The following ACTR5 variants were observed in gnomAD, a reference collection of about 807,000 sequenced individuals.
The protein encoded by ACTR5 is actin-related protein 5.
Under a neutral mutation model 61.2 loss-of-function variants are expected in ACTR5, and 43 were observed. That is an observed-to-expected ratio of 0.70 (90% confidence interval 0.55 to 0.91). ACTR5 has a LOEUF of 0.91. Among genes scored for constraint, ACTR5 ranks in the 40% least tolerant of loss-of-function variants. ACTR5 has a pLI of 0.00. For missense variants in ACTR5, 798 were observed against 782.2 expected (o/e 1.02, Z -0.24); for synonymous variants, 333 against 310.5 (o/e 1.07, Z -0.76).
At position 38,769,435 on chromosome 20, in the gene ACTR5, A is replaced by G. The variant is rs532758412; in HGVS notation, c.1566+1839A>G. ...GATGTGAAAGAGGCTAAGGCAGTCA[A>G]ATTGTCAGAGCTTGATAGTAAGTTG... On this transcript the variant is annotated intron_variant, in intron 8 of 8. Transcript: ENST00000243903. Among the ~76,000 whole-genome samples the G allele has an allele frequency of 5.4e-4, 83 of 152,308 alleles. 1 individual carries two copies. The highest frequency in any genetic ancestry group is 6.8e-3 in the Middle Eastern group (2 of 294).
At chr20:38,768,393 C>A (rs184780652) in intron 8 of ACTR5, among the ~76,000 whole-genome samples, 1 of 152,312 alleles carries the variant, frequency 6.6e-6, no homozygotes, top group East Asian at 1.9e-4. Context: ...ATCCTACTTA[C>A]AGCTGTGACT....
Position 38,748,768 on chromosome 20 carries a change from C to G in ACTR5, c.290C>G (p.Pro97Arg). ...CCACTGCGCTGGATGCTGCGCTCGC[C>G]CTTCGACCGCAACGTGCCGGTCAAC... is the stretch of plus-strand genomic sequence containing the variant. Reference protein sequence around the residue: ...LEPLRWMLRSPFDRNVPVNLE... With the variant: ...LEPLRWMLRSRFDRNVPVNLE... Residue 97 changes from proline (P) to arginine (R), a missense_variant, in exon 1 of 9, where the codon CCC becomes CGC. Physicochemically the swap from Pro to Arg is moderately radical, Grantham distance 103. Transcript: ENST00000243903. 3 of 1,605,836 alleles carry G rather than the reference C, an allele frequency of 1.9e-6. No homozygotes were observed. Among genetic ancestry groups the G allele is most frequent in the South Asian group, 1.1e-5 (1 of 90,004 alleles).
At chr20:38,759,462 C>T (rs756431605) in intron 5 of ACTR5, among the ~76,000 whole-genome samples, 8 of 152,168 alleles carry the variant, frequency 5.3e-5, no homozygotes, top group African/African-American at 1.4e-4. Context: ...TTCCTCTCTG[C>T]GACTTGTATG....
Position 38,767,585 on chromosome 20 carries a change from T to G in ACTR5, c.1555T>G (p.Ser519Ala). ...KELLEMRPFR[S>A]SFQVQLASNP... is the part of the protein sequence containing the mutation. ...ACTGTTGGAGATGAGACCCTTCCGG[T>G]CTTCTTTTCAGGTACTGATTGTTCG... The change falls in exon 8 of 9, where the codon TCT becomes GCT. Residue 519 changes from serine to alanine, a missense_variant. Physicochemically the swap from Ser to Ala is moderately conservative, Grantham distance 99. Coordinates refer to ENST00000243903, the MANE Select transcript of ACTR5 (RefSeq NM_024855.4). 6.2e-7 allele frequency: 1 copy of G among 1,612,010 alleles called. No homozygotes were observed. The highest frequency in any genetic ancestry group is 8.5e-7 in the Non-Finnish European group (1 of 1,178,818).
chr20:38,751,972 C>G (rs1451276530), intron 2 of ACTR5, among the ~76,000 whole-genome samples, 159 bp from the exon 3 acceptor site: 1 of 152,112 alleles, frequency 6.6e-6, no homozygotes, highest in Non-Finnish European at 1.5e-5. Context: ...AGAGGTTATA[C>G]CAGGGGAACT....
chr20:38,771,713 A>G lies in ACTR5; in HGVS notation c.1721A>G (p.Tyr574Cys), dbSNP rs776821171. The G allele has an allele frequency of 2.5e-5, 40 of 1,613,996 alleles. No individual in the cohort carries two copies. In the East Asian group the frequency reaches 6.0e-4, roughly 24 times the overall value. The part of the protein sequence containing the change: ...YLKEHCASNI[Y>C]VPIRLPKQAS... ...AAGGAGCACTGTGCTTCCAACATCT[A>G]TGTCCCCATCCGCCTGCCGAAGCAG... The change falls in exon 9 of 9, where the codon TAT becomes TGT. Residue 574 changes from tyrosine to cysteine, a missense_variant. By Grantham distance (194) the Tyr-to-Cys change is radical. Transcript: ENST00000243903.
At chr20:38,758,029 C>G (rs765546663) in intron 5 of ACTR5, among the ~76,000 whole-genome samples, 1 of 151,722 alleles carries the variant, frequency 6.6e-6, no homozygotes, top group Non-Finnish European at 1.5e-5. Flanking sequence ...GACATGTTAG[C>G]AGGACATAGT....
In ACTR5 at chr20:38,764,383, C is replaced by G. The variant is rs565101133; in HGVS notation, c.1177-1019C>G. On this transcript the variant is annotated intron_variant, in intron 5 of 8. Transcript: ENST00000243903. ...AACTAAATATTTCTACCCAGAACTT[C>G]TCTCCATTGAGTCTAATGACAGATG... Among the ~76,000 whole-genome samples, 3 of 152,364 alleles carry G rather than the reference C, an allele frequency of 2.0e-5. No individual in the cohort carries two copies. The South Asian group carries it at 6.2e-4, about 32-fold the overall frequency.
chr20:38,771,758 C>T lies in ACTR5; in HGVS notation c.1766C>T (p.Ala589Val). 1 of 1,613,972 alleles carries T rather than the reference C, an allele frequency of 6.2e-7. No individual in the cohort carries two copies. Among genetic ancestry groups the T allele is most frequent in the Non-Finnish European group, 8.5e-7 (1 of 1,179,984 alleles). ...AAGCAGGCCTCCCGCTCCTCAGATG[C>T]CCAGGCATCCAGCAAGGGCTCCGCT... ...LPKQASRSSD[A>V]QASSKGSAAG... The change falls in exon 9 of 9, where the codon GCC becomes GTC. Residue 589 changes from alanine (A) to valine (V), a missense_variant. Transcript: ENST00000243903.
intron 5 of ACTR5, among the ~76,000 whole-genome samples, chr20:38,757,099 C>A (rs752822270): frequency 5.3e-5 from 8 of 152,044 alleles, no homozygotes; most frequent in Non-Finnish European, 1.2e-4. Context: ...GTCATTTTTA[C>A]AATTTTTTGT....
intron 6 of ACTR5, 73 bp from the exon 7 acceptor site, chr20:38,766,165 G>A: frequency 6.5e-7 from 1 of 1,534,976 alleles, no homozygotes; most frequent in Non-Finnish European, 8.8e-7. Flanking sequence ...AAGAAACGCA[G>A]TTTGAGGAAA....
chr20:38,751,174 G>A (rs1384486950), intron 2 of ACTR5, among the ~76,000 whole-genome samples: 1 of 152,192 alleles, frequency 6.6e-6, no homozygotes, highest in Non-Finnish European at 1.5e-5. Context: ...CTGAATGCCT[G>A]GGTTTGCAGC....
chr20:38,766,258 A>C lies in ACTR5; in HGVS notation c.1314A>C (p.Ala438=). Residue 438 remains alanine, a synonymous_variant, in exon 7 of 9, where the codon GCA becomes GCC. Coordinates refer to ENST00000243903, the MANE Select transcript of ACTR5 (RefSeq NM_024855.4). ...TTVQPVFNLA[A]YHQLFVGTER... Reference sequence around the variant, plus strand: ...TAAAGCCCGTGTTTAACTTGGCAGCATATCATCAGCTATTTGTTGGGACAG... The same window carrying C: ...TAAAGCCCGTGTTTAACTTGGCAGCCTATCATCAGCTATTTGTTGGGACAG... 6.2e-7 allele frequency: 1 copy of C among 1,612,658 alleles called. No individual in the cohort carries two copies. Among genetic ancestry groups the C allele is most frequent in the Non-Finnish European group, 8.5e-7 (1 of 1,179,696 alleles).
At chr20:38,767,696 T>C (rs376703857) in intron 8 of ACTR5, 100 bp downstream of exon 8, 7 of 1,376,184 alleles carry the variant, frequency 5.1e-6, no homozygotes, top group African/African-American at 4.3e-5. Flanking sequence ...GTTAACATTT[T>C]TGTGGCTTTT....
In ACTR5 at chr20:38,752,301, G is replaced by T. The variant is rs762181226; in HGVS notation, c.775+1G>T. ...TACATCGCTGAGGATTATGTGGAAG[G>T]TATCCAAGAGGATGTTTGCCTGCAG... On this transcript the variant is annotated splice_donor_variant, in intron 3 of 8. Coordinates refer to ENST00000243903, the MANE Select transcript of ACTR5 (RefSeq NM_024855.4). LOFTEE classifies it high-confidence loss of function. The T allele has an allele frequency of 6.3e-7, 1 of 1,587,822 alleles. No homozygotes were observed. Among genetic ancestry groups the T allele is most frequent in the Non-Finnish European group, 8.6e-7 (1 of 1,161,726 alleles).
At chr20:38,761,997 A>G (rs947955191) in intron 5 of ACTR5, among the ~76,000 whole-genome samples, 2 of 152,198 alleles carry the variant, frequency 1.3e-5, no homozygotes, top group Non-Finnish European at 2.9e-5. Flanking sequence ...TAACTTTTCT[A>G]TTGCTACAAA....
Position 38,748,521 on chromosome 20 carries a change from C to G in ACTR5, c.43C>G (p.Pro15Ala). Reference sequence around the variant, plus strand: ...CCCGTTCCGCGACGCCCGTGCCGCACCGGACCCAGTGCTGGAGGCCGGCCC... The same window carrying G: ...CCCGTTCCGCGACGCCCGTGCCGCAGCGGACCCAGTGCTGGAGGCCGGCCC... ...VFPFRDARAA[P>A]DPVLEAGPVA... Residue 15 changes from proline to alanine, a missense_variant, in exon 1 of 9, where the codon CCG becomes GCG. Coordinates refer to ENST00000243903, the MANE Select transcript of ACTR5 (RefSeq NM_024855.4). The G allele has an allele frequency of 6.6e-7, 1 of 1,504,284 alleles. No homozygotes were observed. The highest frequency in any genetic ancestry group is 8.8e-7 in the Non-Finnish European group (1 of 1,132,188). 93.2% of individuals were successfully genotyped at this position (1,504,284 alleles called of 1,614,324 possible).
At chr20:38,765,264 C>T (rs1028833278) in intron 5 of ACTR5, 138 bp from the exon 6 acceptor site, 2 of 656,680 alleles carry the variant, frequency 3.0e-6, no homozygotes, top group East Asian at 5.3e-5. Flanking sequence ...TTAAAAATAG[C>T]TTAGAAAAAT....
chr20:38,762,247 C>A (rs1437393519), intron 5 of ACTR5, among the ~76,000 whole-genome samples: 1 of 152,220 alleles, frequency 6.6e-6, no homozygotes, highest in African/African-American at 2.4e-5. Context: ...CCCAGGCACC[C>A]ACATATGGCC....
Sources: allele counts gnomAD v4.1 joint callset (sites outside exome capture counted in the v4.1 genomes callset), GRCh38; gene constraint gnomAD v4.1.1; transcripts MANE v1.5; gene names NCBI Gene and HGNC (gene_info 2026-07-23, HGNC 2026-07-21).